The following CNOT6L variants were observed in gnomAD, a reference collection of about 807,000 sequenced individuals.
CNOT6L encodes CCR4-NOT transcription complex subunit 6 like.
Under a neutral mutation model 64.0 loss-of-function variants are expected in CNOT6L, and 7 were observed. The ratio of observed to expected loss-of-function variants is 0.11; its 90% CI spans 0.06 to 0.21. The LOEUF is 0.21. CNOT6L is among the 10% of genes least tolerant of loss of function. The probability of loss-of-function intolerance (pLI) is 1.00; values close to 1 mark genes in which losing one functional copy is unlikely to be tolerated. For missense variants in CNOT6L, 245 were observed against 669.0 expected (o/e 0.37, Z 6.99); for synonymous variants, 193 against 243.4 (o/e 0.79, Z 1.93).
upstream of CNOT6L, chr4:77,819,374 C>CA: frequency 6.3e-7 from 1 of 1,598,040 alleles, no homozygotes. Flanking sequence ...CACACACAAA[C>CA]ACGCGCGCGC....
chr4:77,787,123 C>T (rs765611560), intron 1 of CNOT6L, among the ~76,000 whole-genome samples: 4 of 151,900 alleles, frequency 2.6e-5, no homozygotes, highest in Non-Finnish European at 5.9e-5. Context: ...AAAAAACAGC[C>T]GGGTGTGGTG....
At chr4:77,748,693 T>A (rs189726817) in intron 5 of CNOT6L, among the ~76,000 whole-genome samples, 6 of 152,326 alleles carry the variant, frequency 3.9e-5, no homozygotes, top group Admixed American at 3.9e-4. Context: ...ATTATATATG[T>A]AAATTGTATT....
At chr4:77,816,308 C>A (rs1323328308) in intron 1 of CNOT6L, among the ~76,000 whole-genome samples, 2 of 151,968 alleles carry the variant, frequency 1.3e-5, no homozygotes, top group East Asian at 3.8e-4. Context: ...TCATAAAGTC[C>A]AATGAAAATT....
At chr4:77,756,130 C>T (rs1249193302) in intron 5 of CNOT6L, among the ~76,000 whole-genome samples, 7 of 152,166 alleles carry the variant, frequency 4.6e-5, no homozygotes, top group African/African-American at 9.6e-5. Flanking sequence ...ATTACAGGCA[C>T]GCACCACCAC....
At chr4:77,787,269 A>C (rs1560425269) in intron 1 of CNOT6L, among the ~76,000 whole-genome samples, 1 of 152,134 alleles carries the variant, frequency 6.6e-6, no homozygotes, top group Non-Finnish European at 1.5e-5. Flanking sequence ...CTGTCTCAAA[A>C]AATAATAACA....
chr4:77,726,822 CAG>C (rs938541304), intron 10 of CNOT6L, among the ~76,000 whole-genome samples: 2 of 152,178 alleles, frequency 1.3e-5, no homozygotes, highest in African/African-American at 2.4e-5. Flanking sequence ...ACAACAAAAA[CAG>C]ATTTTGCATC....
intron 11 of CNOT6L, 62 bp from the exon 12 acceptor site, chr4:77,720,705 A>G (rs1244840889): frequency 1.3e-6 from 2 of 1,560,446 alleles, no homozygotes; most frequent in Non-Finnish European, 1.7e-6. Flanking sequence ...AACAATCCAT[A>G]ATTTATAAAA....
chr4:77,803,489 T>G (rs1256591698), intron 1 of CNOT6L, among the ~76,000 whole-genome samples: 4 of 152,208 alleles, frequency 2.6e-5, no homozygotes, highest in Non-Finnish European at 5.9e-5. Context: ...AAAAGGTGTT[T>G]ATACAAGTTT....
chr4:77,717,431 G>A lies in CNOT6L; in HGVS notation c.*3000C>T, dbSNP rs1720858869. ...ACATTCCGGTTCTTAGACAAATATCGAAATAATATTTAACAGTTTTAAAAA... is the reference window on the plus strand; with the variant it reads ...ACATTCCGGTTCTTAGACAAATATCAAAATAATATTTAACAGTTTTAAAAA... On this transcript the variant is annotated 3_prime_UTR_variant, in exon 12 of 12. Coordinates refer to ENST00000504123, the MANE Select transcript of CNOT6L (RefSeq NM_144571.3). 6.6e-6 allele frequency: 1 copy of A among 152,124 alleles called. No individual in the cohort carries two copies. The highest frequency in any genetic ancestry group is 6.6e-5 in the Admixed American group (1 of 15,182). 9.4% of individuals were successfully genotyped at this position (152,124 alleles called of 1,614,324 possible).
chr4:77,756,116 T>C (rs968588153), intron 5 of CNOT6L, among the ~76,000 whole-genome samples: 20 of 152,154 alleles, frequency 1.3e-4, no homozygotes, highest in Admixed American at 1.0e-3. Context: ...CCAGAGAAGC[T>C]TGGATTACAG....
In CNOT6L at chr4:77,774,540, C is replaced by T; in HGVS notation, c.304G>A (p.Val102Met). Reference protein sequence around the residue: ...RSLPAELGNMVSLRELLLNNN... With the variant: ...RSLPAELGNMMSLRELLLNNN... ...GTTTTATTTCCTCACCTGAGAGACACCATGTTTCCTAGTTCTGCTGGTAAA... is the reference window on the plus strand; with the variant it reads ...GTTTTATTTCCTCACCTGAGAGACATCATGTTTCCTAGTTCTGCTGGTAAA... Residue 102 changes from valine (V) to methionine (M), a missense_variant, in exon 3 of 12, where the codon GTG (valine) becomes ATG (methionine). Coordinates refer to ENST00000504123, the MANE Select transcript of CNOT6L (RefSeq NM_144571.3). 6.2e-7 allele frequency: 1 copy of T among 1,608,540 alleles called. No individual in the cohort carries two copies. Among genetic ancestry groups the T allele is most frequent in the Non-Finnish European group, 8.5e-7 (1 of 1,177,678 alleles).
intron 1 of CNOT6L, among the ~76,000 whole-genome samples, chr4:77,789,939 C>T (rs1282541046): frequency 3.3e-5 from 3 of 92,132 alleles, no homozygotes; most frequent in African/African-American, 9.3e-5. Context: ...AAGCAAGACA[C>T]TGTCTCAAAA....
intron 11 of CNOT6L, among the ~76,000 whole-genome samples, chr4:77,724,995 G>A (rs1396962197): frequency 2.0e-5 from 3 of 152,020 alleles, no homozygotes; most frequent in South Asian, 2.1e-4. Context: ...CACAGAAATC[G>A]GCAAACACCA....
intron 8 of CNOT6L, among the ~76,000 whole-genome samples, chr4:77,733,134 C>T (rs546969159): frequency 1.3e-5 from 2 of 152,026 alleles, no homozygotes; most frequent in African/African-American, 2.4e-5. Flanking sequence ...ACAGATAAAA[C>T]AGATAAAAGC....
intron 5 of CNOT6L, among the ~76,000 whole-genome samples, chr4:77,753,455 G>T (rs1285304436): frequency 6.6e-6 from 1 of 152,084 alleles, no homozygotes; most frequent in Non-Finnish European, 1.5e-5. Flanking sequence ...CTGATTGCTT[G>T]AGGTCAGGAG....
chr4:77,733,028 T>C (rs897890408), intron 8 of CNOT6L, among the ~76,000 whole-genome samples: 1 of 152,126 alleles, frequency 6.6e-6, no homozygotes, highest in Admixed American at 6.6e-5. Flanking sequence ...AGTTTCAAAA[T>C]GTGTCCTATA....
intron 4 of CNOT6L, among the ~76,000 whole-genome samples, chr4:77,760,904 G>A (rs1015970668): frequency 8.8e-5 from 8 of 90,734 alleles, no homozygotes; most frequent in Non-Finnish European, 1.7e-4. Context: ...TTAAGGAAGA[G>A]ACAGGGTTTC....
intron 1 of CNOT6L, among the ~76,000 whole-genome samples, chr4:77,780,917 C>T (rs916819759): frequency 1.3e-5 from 2 of 152,040 alleles, no homozygotes; most frequent in African/African-American, 2.4e-5. Context: ...GCACTATAAT[C>T]ACACCTCTGA....
chr4:77,779,210 C>T (rs997571098), intron 1 of CNOT6L, among the ~76,000 whole-genome samples: 5 of 151,818 alleles, frequency 3.3e-5, no homozygotes, highest in Non-Finnish European at 5.9e-5. Flanking sequence ...ATACAGTTCC[C>T]GCCACATAGG....
Sources: gnomAD v4.1 joint callset for allele counts (sites outside exome capture counted in the v4.1 genomes callset) on GRCh38, gnomAD v4.1.1 for gene constraint, MANE v1.5 for transcripts, NCBI Gene and HGNC (gene_info 2026-07-23, HGNC 2026-07-21) for gene names.